Variants in MSRA observed in about 807,000 individuals in gnomAD.
MSRA encodes mitochondrial peptide methionine sulfoxide reductase.
A neutral mutation model predicts 31.3 loss-of-function variants in MSRA; 54 were observed. The ratio of observed to expected loss-of-function variants is 1.73; its 90% CI spans 1.39 to 2.17. The LOEUF (loss-of-function observed/expected upper bound fraction) is 2.17. Ranked by LOEUF, MSRA falls within the 30% of genes most tolerant of loss-of-function variation. The pLI is 0.00. For synonymous variants in MSRA, 169 were observed against 116.5 expected, an observed-to-expected ratio of 1.45 and a Z score of -2.90; for missense variants, 507 against 300.9, an observed-to-expected ratio of 1.69 and a Z score of -5.07.
intron 5 of MSRA, among the ~76,000 whole-genome samples, chr8:10,421,510 TCACCTCCATG>T (rs1808809148): frequency 6.6e-6 from 1 of 151,680 alleles, no homozygotes. Flanking sequence ...TGAGAGCGTG[TCACCTCCATG>T]TAATAGGCTG....
At chr8:10,412,410 T>A (rs1460059490) in intron 5 of MSRA, among the ~76,000 whole-genome samples, 1 of 152,172 alleles carries the variant, frequency 6.6e-6, no homozygotes, top group Non-Finnish European at 1.5e-5. Flanking sequence ...AAAAGTTGCT[T>A]TCAGAGCTAC....
At chr8:10,193,785 C>T (rs934022883) in intron 1 of MSRA, among the ~76,000 whole-genome samples, 1 of 152,094 alleles carries the variant, frequency 6.6e-6, no homozygotes, top group South Asian at 2.1e-4. Context: ...AGCCATGGGA[C>T]CAAGTCTGCT....
rs142147621 is a variant in MSRA, at chr8:10,090,683, C to T, written c.142+36025C>T. ...GAAACCCCATAGTCATTGGCAGTCA[C>T]TTCCAATTCTTCCCTCTGCCCAGGT... On this transcript the variant is annotated intron_variant, in intron 1 of 5. Transcript: ENST00000317173. Among the ~76,000 whole-genome samples, 56 of 152,348 alleles carry T rather than the reference C, an allele frequency of 3.7e-4. No individual in the cohort carries two copies. In the East Asian group the frequency reaches 9.1e-3, roughly 25 times the overall value.
intron 1 of MSRA, among the ~76,000 whole-genome samples, chr8:10,098,419 T>A (rs1799315324): frequency 6.6e-6 from 1 of 152,184 alleles, no homozygotes; most frequent in Admixed American, 6.5e-5. Flanking sequence ...TCAGGAAGCG[T>A]TAGTCCAGTA....
At chr8:10,061,162 TC>T (rs1256601040) in intron 1 of MSRA, among the ~76,000 whole-genome samples, 2 of 152,164 alleles carry the variant, frequency 1.3e-5, no homozygotes, top group Non-Finnish European at 2.9e-5. Context: ...CCAGTCTTTT[TC>T]TCCACTGTGT....
chr8:10,290,119 A>G (rs61456761), intron 3 of MSRA, among the ~76,000 whole-genome samples: 2 of 152,046 alleles, frequency 1.3e-5, no homozygotes, highest in Non-Finnish European at 2.9e-5. Context: ...GAAAAACTCA[A>G]TGTGGTTCTT....
At chr8:10,249,553 A>G (rs983109895) in intron 3 of MSRA, among the ~76,000 whole-genome samples, 1 of 152,140 alleles carries the variant, frequency 6.6e-6, no homozygotes, top group Admixed American at 6.5e-5. Context: ...GCACTGAACC[A>G]ATAGCGCACA....
At chr8:10,149,115 C>G (rs572522962) in intron 1 of MSRA, among the ~76,000 whole-genome samples, 1 of 126,452 alleles carries the variant, frequency 7.9e-6, no homozygotes, top group East Asian at 2.6e-4. Flanking sequence ...GCCACCACAC[C>G]TGGCTAACTT....
At chr8:10,082,540 G>A (rs888076273) in intron 1 of MSRA, among the ~76,000 whole-genome samples, 5 of 152,098 alleles carry the variant, frequency 3.3e-5, no homozygotes, top group Admixed American at 6.5e-5. Flanking sequence ...GCTAACATCC[G>A]TGCACTAAGG....
At chr8:10,218,923 G>T (rs557831938) in intron 2 of MSRA, among the ~76,000 whole-genome samples, 4 of 152,190 alleles carry the variant, frequency 2.6e-5, no homozygotes, top group Non-Finnish European at 5.9e-5. Flanking sequence ...ACTGTCAGGT[G>T]GCAGAAGGCA....
intron 5 of MSRA, among the ~76,000 whole-genome samples, chr8:10,363,054 A>G (rs1336571393): frequency 6.6e-6 from 1 of 152,212 alleles, no homozygotes; most frequent in African/African-American, 2.4e-5. Flanking sequence ...AGCCTCAGTC[A>G]CTGGTGTGGT....
intron 1 of MSRA, among the ~76,000 whole-genome samples, chr8:10,056,392 T>A (rs1042591210): frequency 3.3e-5 from 5 of 152,096 alleles, no homozygotes; most frequent in Non-Finnish European, 7.4e-5. Flanking sequence ...GAGCCAACAA[T>A]TTTTTTCTTA....
intron 3 of MSRA, among the ~76,000 whole-genome samples, chr8:10,256,131 C>T (rs1044231733): frequency 3.9e-5 from 6 of 152,092 alleles, no homozygotes; most frequent in Admixed American, 1.3e-4. Flanking sequence ...CTATTCAGCC[C>T]ATCCTCCCCC....
intron 1 of MSRA, among the ~76,000 whole-genome samples, chr8:10,077,269 G>C (rs377166523): frequency 5.3e-5 from 8 of 152,166 alleles, no homozygotes; most frequent in African/African-American, 1.9e-4. Flanking sequence ...AGGTGGGAAA[G>C]TGTGGAGACC....
At chr8:10,112,420 A>G (rs558763034) in intron 1 of MSRA, among the ~76,000 whole-genome samples, 40 of 152,374 alleles carry the variant, frequency 2.6e-4, no homozygotes, top group Admixed American at 9.8e-4. Context: ...AGCTGTTAAC[A>G]TTCTTACTAA....
intron 3 of MSRA, among the ~76,000 whole-genome samples, chr8:10,295,345 C>G (rs1420440974): frequency 1.3e-5 from 2 of 152,122 alleles, no homozygotes; most frequent in Non-Finnish European, 2.9e-5. Flanking sequence ...TTTCCCATTT[C>G]TTGTCCCCAC....
intron 4 of MSRA, among the ~76,000 whole-genome samples, chr8:10,302,649 A>G (rs1214499948): frequency 6.6e-6 from 1 of 152,248 alleles, no homozygotes; most frequent in East Asian, 1.9e-4. Flanking sequence ...AAGGTCAGAG[A>G]TGAGGCAAGA....
chr8:10,134,082 T>A lies in MSRA; in HGVS notation c.143-73751T>A, dbSNP rs553630621. Among the ~76,000 whole-genome samples the A allele has an allele frequency of 2.0e-5, 3 of 152,282 alleles. No homozygotes were observed. The East Asian group carries it at 5.8e-4, about 29-fold the overall frequency. On this transcript the variant is annotated intron_variant, in intron 1 of 5. Coordinates refer to ENST00000317173, the MANE Select transcript of MSRA (RefSeq NM_012331.5). The stretch of plus-strand genomic sequence containing the variant: ...CCTGACCTCAGGCGATCTGCCCACC[T>A]CAGCCTTCCAAAGTGCTGGGATTAC...
intron 1 of MSRA, among the ~76,000 whole-genome samples, chr8:10,088,766 A>G (rs945977984): frequency 3.3e-5 from 5 of 152,196 alleles, no homozygotes; most frequent in Admixed American, 3.3e-4. Flanking sequence ...GGGAGGAATA[A>G]GGACCATGTG....
Sources: gnomAD v4.1 joint callset for allele counts (sites outside exome capture counted in the v4.1 genomes callset) on GRCh38, gnomAD v4.1.1 for gene constraint, MANE v1.5 for transcripts, NCBI Gene and HGNC (gene_info 2026-07-23, HGNC 2026-07-21) for gene names.